The following CDH5 variants were observed in gnomAD, a reference collection of about 807,000 sequenced individuals.
CDH5 encodes cadherin-5.
Under a neutral mutation model 62.0 loss-of-function variants are expected in CDH5, and 28 were observed. The ratio of observed to expected loss-of-function variants is 0.45; its 90% confidence interval spans 0.33 to 0.62. The LOEUF is 0.62. CDH5 is among the 20% of genes least tolerant of loss of function. CDH5 has a pLI of 0.02. For missense variants in CDH5, 940 were observed against 1,065.1 expected (o/e 0.88, Z 1.63); for synonymous variants, 464 against 445.8 (o/e 1.04, Z -0.52).
chr16:66,371,826 C>G (rs530629140), intron 1 of CDH5, among the ~76,000 whole-genome samples: 87 of 145,816 alleles, frequency 6.0e-4, no homozygotes, highest in African/African-American at 2.2e-3. Context: ...CATTGAGGGG[C>G]CCCCAGCTGG....
rs1961331999 is a variant in CDH5, at chr16:66,403,274, A to G, written c.*105A>G. 9.7e-7 allele frequency: 1 copy of G among 1,033,422 alleles called. No homozygotes were observed. Among genetic ancestry groups the G allele is most frequent in the South Asian group, 1.6e-5 (1 of 62,116 alleles). 64.0% of individuals were successfully genotyped at this position (1,033,422 alleles called of 1,614,324 possible). On this transcript the variant is annotated 3_prime_UTR_variant, in exon 12 of 12. Coordinates refer to ENST00000341529, the MANE Select transcript of CDH5 (RefSeq NM_001795.5). The surrounding 1 kb of genome is among the most constrained non-coding windows in gnomAD (Gnocchi z 4.3). ...AAAAATGGCAGTGACTCCCCAGCCCAGCACCCCTTCCTCGTGGGTCCCAGA... is the reference window on the plus strand; with the variant it reads ...AAAAATGGCAGTGACTCCCCAGCCCGGCACCCCTTCCTCGTGGGTCCCAGA...
In CDH5 at chr16:66,400,872, C is replaced by T. The variant is rs770504425; in HGVS notation, c.1693C>T (p.Arg565Cys). The T allele has an allele frequency of 5.0e-6, 8 of 1,614,070 alleles. No homozygotes were observed. The highest frequency in any genetic ancestry group is 5.9e-6 in the Non-Finnish European group (7 of 1,180,050). ...CATCTCAGACAATGGGATGCCAAGTCGCACGGGCACCAGCACGCTGACCGT... is the reference window on the plus strand; with the variant it reads ...CATCTCAGACAATGGGATGCCAAGTTGCACGGGCACCAGCACGCTGACCGT... The part of the protein sequence containing the change: ...VVISDNGMPS[R>C]TGTSTLTVAV... Residue 565 changes from arginine (R) to cysteine (C), a missense_variant, in exon 11 of 12, where the codon CGC becomes TGC. Arg to Cys is a radical substitution (Grantham distance 180, BLOSUM62 -3). Transcript: ENST00000341529.
intron 7 of CDH5, chr16:66,392,797 AAAC>A (rs1961112266): frequency 5.5e-6 from 1 of 183,244 alleles, no homozygotes; most frequent in Admixed American, 5.5e-5. Context: ...TTATACAGTG[AAAC>A]AACACAGAGA....
chr16:66,397,119 T>G (rs1386949939), intron 8 of CDH5, among the ~76,000 whole-genome samples: 1 of 152,250 alleles, frequency 6.6e-6, no homozygotes, highest in East Asian at 1.9e-4. Flanking sequence ...TACATATTTT[T>G]ATACTTACAT....
chr16:66,403,044 A>G lies in CDH5; in HGVS notation c.2230A>G (p.Ser744Gly), dbSNP rs1478563013. Reference protein sequence around the residue: ...EGSESIAESLSSLGTDSSDSD... With the variant: ...EGSESIAESLGSLGTDSSDSD... ...CTCCGAGTCCATAGCCGAGTCCCTC[A>G]GCTCCCTGGGCACCGACTCATCCGA... Residue 744 changes from serine to glycine, a missense_variant, in exon 12 of 12, where the codon AGC (serine) becomes GGC (glycine). By Grantham distance (56) the Ser-to-Gly change is moderately conservative (BLOSUM62 0). Transcript: ENST00000341529. The surrounding 1 kb of genome is among the most constrained non-coding windows in gnomAD (Gnocchi z 4.3). 2 of 1,613,456 alleles carry G rather than the reference A, an allele frequency of 1.2e-6. No individual in the cohort carries two copies. Among genetic ancestry groups the G allele is most frequent in the Middle Eastern group, 1.6e-4 (1 of 6,062 alleles).
chr16:66,401,760 A>T (rs1961286330), intron 11 of CDH5, among the ~76,000 whole-genome samples: 1 of 152,168 alleles, frequency 6.6e-6, no homozygotes, highest in Non-Finnish European at 1.5e-5. Context: ...GCCACCCCCC[A>T]GCATCATCCC....
At chr16:66,369,010 A>C (rs540587740) in intron 1 of CDH5, among the ~76,000 whole-genome samples, 15 of 152,282 alleles carry the variant, frequency 9.9e-5, no homozygotes, top group Non-Finnish European at 1.9e-4. Context: ...TGCTGGAGGA[A>C]GAGTGGGAAT....
intron 11 of CDH5, 35 bp from the exon 12 acceptor site, chr16:66,402,616 CT>C: frequency 1.3e-6 from 2 of 1,517,990 alleles, no homozygotes; most frequent in African/African-American, 1.4e-5. Context: ...GGCCCCCAGC[CT>C]TGTCTGACTC....
rs201353685 is a variant in CDH5 at position 66,396,064 on chromosome 16, C to G, written c.1223C>G (p.Ser408Cys). 118 of 1,613,638 alleles carry G rather than the reference C, an allele frequency of 7.3e-5. No individual in the cohort carries two copies. In the Middle Eastern group the frequency reaches 1.0e-3, roughly 14 times the overall value. The change falls in exon 8 of 12, where the codon TCC (serine) becomes TGC (cysteine). Residue 408 changes from serine to cysteine, a missense_variant. Physicochemically the swap from Ser to Cys is moderately radical, Grantham distance 112. Transcript: ENST00000341529. ...PDAARHSIGYSIRRTSDKGQF... is the reference protein window; with the variant it reads ...PDAARHSIGYCIRRTSDKGQF... Reference sequence around the variant, plus strand: ...AAACTCTCTCCCCTGGGCAGATACTCCATCCGCAGGACCAGTGACAAGGGC... The same window carrying G: ...AAACTCTCTCCCCTGGGCAGATACTGCATCCGCAGGACCAGTGACAAGGGC...
intron 11 of CDH5, among the ~76,000 whole-genome samples, chr16:66,401,940 T>C (rs969670332): frequency 1.6e-4 from 24 of 152,324 alleles, no homozygotes; most frequent in South Asian, 6.2e-4. Context: ...AGGCCTCTCC[T>C]GCCTGTAGCC....
intron 1 of CDH5, among the ~76,000 whole-genome samples, chr16:66,367,548 C>T (rs1447261998): frequency 6.6e-6 from 1 of 152,244 alleles, no homozygotes; most frequent in Non-Finnish European, 1.5e-5. Flanking sequence ...GAGACAGCTG[C>T]CCTGGGTACA....
Position 66,373,879 on chromosome 16 carries a change from G to A in CDH5, c.-19-5440G>A, listed in dbSNP as rs966419720. Among the ~76,000 whole-genome samples the A allele has an allele frequency of 3.3e-5, 5 of 152,160 alleles. No individual in the cohort carries two copies. The South Asian group carries it at 8.3e-4, about 25-fold the overall frequency. On this transcript the variant is annotated intron_variant, in intron 1 of 11. Coordinates refer to ENST00000341529, the MANE Select transcript of CDH5 (RefSeq NM_001795.5). ...CTAATCTGTGAAATGGGAATGATAA[G>A]TCTTACATCCTGGGGATAGTGTGAA...
rs1356543720 is a variant in CDH5 at position 66,403,215 on chromosome 16, C to T, written c.*46C>T. On this transcript the variant is annotated 3_prime_UTR_variant, in exon 12 of 12. Coordinates refer to ENST00000341529, the MANE Select transcript of CDH5 (RefSeq NM_001795.5). The surrounding 1 kb of genome is among the most constrained non-coding windows in gnomAD (Gnocchi z 4.3). ...CCTGGGGACCCAAACCCCCTGCAGC[C>T]CAGGCCAGTCAGACGCCAGGCACCA... 6.5e-7 allele frequency: 1 copy of T among 1,545,822 alleles called. No individual in the cohort carries two copies. Among genetic ancestry groups the T allele is most frequent in the South Asian group, 1.2e-5 (1 of 84,528 alleles).
At chr16:66,395,909 T>C in intron 7 of CDH5, 150 bp from the exon 8 acceptor site, 1 of 715,034 alleles carries the variant, frequency 1.4e-6, no homozygotes, top group Non-Finnish European at 2.3e-6. Context: ...AGGTCCACTC[T>C]TGTCTGAGTG....
Position 66,386,977 on chromosome 16 carries a change from A to T in CDH5, c.379A>T (p.Thr127Ser). 1 of 1,614,214 alleles carries T rather than the reference A, an allele frequency of 6.2e-7. No individual in the cohort carries two copies. The highest frequency in any genetic ancestry group is 8.5e-7 in the Non-Finnish European group (1 of 1,180,038). Reference sequence around the variant, plus strand: ...CACTGCTGTCATTGTGGACAAGGACACTGGCGAAAACCTGGAGACTCCTTC... The same window carrying T: ...CACTGCTGTCATTGTGGACAAGGACTCTGGCGAAAACCTGGAGACTCCTTC... ...HLTAVIVDKD[T>S]GENLETPSSF... The change falls in exon 3 of 12, where the codon ACT becomes TCT. Residue 127 changes from threonine (T) to serine (S), a missense_variant. Transcript: ENST00000341529.
At chr16:66,388,701 G>C (rs962860742) in intron 4 of CDH5, among the ~76,000 whole-genome samples, 5 of 152,172 alleles carry the variant, frequency 3.3e-5, no homozygotes, top group Non-Finnish European at 7.3e-5. Flanking sequence ...GTGGCCAAGG[G>C]GCAGCAGAGG....
intron 2 of CDH5, among the ~76,000 whole-genome samples, chr16:66,379,927 GTT>G (rs879509074): frequency 0.15 from 20,506 of 133,124 alleles, 6,352 homozygotes; most frequent in Non-Finnish European, 0.18. Context: ...AGGGGTAGGT[GTT>G]GGTGGTGATC....
chr16:66,389,863 G>A (rs941918632), intron 5 of CDH5, among the ~76,000 whole-genome samples: 1 of 152,202 alleles, frequency 6.6e-6, no homozygotes, highest in African/African-American at 2.4e-5. Context: ...CTGAGACTCA[G>A]GTCCCAGCTA....
chr16:66,388,526 T>G, intron 4 of CDH5, 86 bp downstream of exon 4: 1 of 862,636 alleles, frequency 1.2e-6, no homozygotes, highest in Non-Finnish European at 1.9e-6. Context: ...CTAAGGGAAG[T>G]CCAGTCTGAC....
Sources: allele counts gnomAD v4.1 joint callset (sites outside exome capture counted in the v4.1 genomes callset), GRCh38; gene constraint gnomAD v4.1.1; non-coding constraint Gnocchi (gnomAD v3.1); transcripts MANE v1.5; gene names NCBI Gene and HGNC (gene_info 2026-07-23, HGNC 2026-07-21).